ARPP21: variants seen among roughly 807,000 people sequenced by gnomAD.
ARPP21 encodes cAMP regulated phosphoprotein 21.
In ARPP21, 69 loss-of-function variants were observed where a neutral mutation model predicts 113.2. The ratio of observed to expected loss-of-function variants is 0.61; its 90% CI spans 0.50 to 0.74. The LOEUF (loss-of-function observed/expected upper bound fraction) is 0.74. ARPP21 is among the 30% of genes least tolerant of loss of function. ARPP21 has a pLI of 0.00. For synonymous variants in ARPP21, 368 were observed against 375.5 expected (o/e 0.98, Z 0.23); for missense variants, 1,070 against 1,037.4 (o/e 1.03, Z -0.43).
At chr3:35,767,616 A>G (rs558970806) in intron 19 of ARPP21, among the ~76,000 whole-genome samples, 1 of 152,326 alleles carries the variant, frequency 6.6e-6, no homozygotes, top group Admixed American at 6.5e-5. Context: ...TTTCCTATGT[A>G]CATGGTAATA....
intron 19 of ARPP21, among the ~76,000 whole-genome samples, chr3:35,759,294 C>A (rs940174741): frequency 1.5e-4 from 23 of 152,068 alleles, no homozygotes; most frequent in African/African-American, 5.1e-4. Flanking sequence ...AACCAATAAA[C>A]CCACATCATT....
upstream of ARPP21, chr3:35,638,939 C>T (rs1386798800): frequency 6.6e-6 from 1 of 152,378 alleles, no homozygotes; most frequent in Non-Finnish European, 1.5e-5. Flanking sequence ...GTGGGATTGT[C>T]TCTGCAGAGT....
At chr3:35,640,795 G>A (rs1034628136) in intron 1 of ARPP21, among the ~76,000 whole-genome samples, 1 of 152,198 alleles carries the variant, frequency 6.6e-6, no homozygotes, top group East Asian at 1.9e-4. Context: ...AGGGCTCAAG[G>A]GGAAGAATAG....
intron 13 of ARPP21, among the ~76,000 whole-genome samples, chr3:35,720,803 C>G (rs938181392): frequency 6.6e-6 from 1 of 152,218 alleles, no homozygotes; most frequent in African/African-American, 2.4e-5. Flanking sequence ...GCTATTGGAT[C>G]TCTTCCAATA....
At chr3:35,642,049 A>G (rs998905694) in intron 1 of ARPP21, 3 of 152,232 alleles carry the variant, frequency 2.0e-5, no homozygotes, top group African/African-American at 7.2e-5. Context: ...GAGGACGTAT[A>G]TTTAAATAAA....
chr3:35,692,652 T>A (rs2082581421), intron 9 of ARPP21, among the ~76,000 whole-genome samples: 1 of 151,704 alleles, frequency 6.6e-6, no homozygotes. Context: ...GTTTTAGACA[T>A]GTTTCCTCGG....
At chr3:35,749,563 GTTCC>G (rs1390362890) in intron 19 of ARPP21, among the ~76,000 whole-genome samples, 2 of 151,968 alleles carry the variant, frequency 1.3e-5, no homozygotes, top group South Asian at 2.1e-4. Flanking sequence ...ATGGGAAAGT[GTTCC>G]TTCCCTTTCT....
intron 19 of ARPP21, 60 bp downstream of exon 19, chr3:35,744,025 G>T (rs1482901330): frequency 1.9e-6 from 3 of 1,586,798 alleles, no homozygotes; most frequent in Admixed American, 3.3e-5. Flanking sequence ...GGTGAATCTT[G>T]TACTCTTTGG....
At position 35,689,935 on chromosome 3, in the gene ARPP21, A is replaced by G. The variant is rs112800944; in HGVS notation, c.486-146A>G. The G allele has an allele frequency of 7.9e-4, 436 of 551,922 alleles. 4 individuals carry two copies. Among genetic ancestry groups the G allele is most frequent in the African/African-American group, 7.5e-3 (392 of 52,400 alleles). 34.2% of individuals were successfully genotyped at this position (551,922 alleles called of 1,614,324 possible). A position where few individuals can be genotyped will look rare whatever the true frequency, so the allele number is the denominator to read the frequency against. ...ATGAATGAAATGAAATAATATGTAA[A>G]TGGTCAGCATATTCCAAAGAAGAGT... is the stretch of plus-strand genomic sequence containing the variant. On this transcript the variant is annotated intron_variant, in intron 7 of 20. Coordinates refer to ENST00000684406, the MANE Select transcript of ARPP21 (RefSeq NM_001385562.1).
intron 9 of ARPP21, among the ~76,000 whole-genome samples, chr3:35,698,832 A>G (rs1020226669): frequency 1.3e-5 from 2 of 151,668 alleles, no homozygotes; most frequent in Non-Finnish European, 3.0e-5. Flanking sequence ...ATTAAACAAC[A>G]TCGGTACTAA....
At position 35,742,314 on chromosome 3, in the gene ARPP21, A is replaced by T. The variant is rs183033705; in HGVS notation, c.2011-1525A>T. On this transcript the variant is annotated intron_variant, in intron 18 of 20. Coordinates refer to ENST00000684406, the MANE Select transcript of ARPP21 (RefSeq NM_001385562.1). Reference sequence around the variant, plus strand: ...AGTTGTTCCTATTTTTAATATTGGGAGGCATCTGATGCATAATGGTAGTCA... The same window carrying T: ...AGTTGTTCCTATTTTTAATATTGGGTGGCATCTGATGCATAATGGTAGTCA... Among the ~76,000 whole-genome samples the T allele has an allele frequency of 4.0e-3, 614 of 152,318 alleles. 7 individuals carry two copies. Among genetic ancestry groups the T allele is most frequent in the African/African-American group, 0.014 (572 of 41,568 alleles).
chr3:35,742,487 T>G (rs2094730177), intron 18 of ARPP21, among the ~76,000 whole-genome samples: 1 of 152,202 alleles, frequency 6.6e-6, no homozygotes, highest in Non-Finnish European at 1.5e-5. Flanking sequence ...AATGACTTAG[T>G]TGCCAGATAC....
intron 13 of ARPP21, among the ~76,000 whole-genome samples, chr3:35,720,179 CTG>C (rs34536601): frequency 0.25 from 38,622 of 151,934 alleles, 5,016 homozygotes; most frequent in South Asian, 0.36. Flanking sequence ...ATGGAGGGCA[CTG>C]AGTATTTTCA....
intron 1 of ARPP21, among the ~76,000 whole-genome samples, chr3:35,647,316 A>G (rs1700614239): frequency 6.6e-6 from 1 of 152,196 alleles, no homozygotes; most frequent in Non-Finnish European, 1.5e-5. Context: ...ATTTTATTTC[A>G]GAAATAATTG....
chr3:35,678,218 G>C (rs2078005977), intron 1 of ARPP21, among the ~76,000 whole-genome samples: 1 of 151,872 alleles, frequency 6.6e-6, no homozygotes, highest in Non-Finnish European at 1.5e-5. Context: ...TTACATTGCT[G>C]TTCACCTGCT....
At chr3:35,702,241 A>G (rs755600660) in intron 9 of ARPP21, among the ~76,000 whole-genome samples, 10 of 151,684 alleles carry the variant, frequency 6.6e-5, no homozygotes, top group Non-Finnish European at 3.0e-5. Context: ...ATGTTACTCA[A>G]TATTATTGGA....
intron 1 of ARPP21, among the ~76,000 whole-genome samples, chr3:35,661,264 A>G (rs926340093): frequency 6.6e-6 from 1 of 152,182 alleles, no homozygotes; most frequent in African/African-American, 2.4e-5. Context: ...TCTCTCATTG[A>G]TTCATTGTCA....
chr3:35,708,446 C>T (rs1483867343), intron 10 of ARPP21, among the ~76,000 whole-genome samples: 1 of 152,216 alleles, frequency 6.6e-6, no homozygotes, highest in African/African-American at 2.4e-5. Context: ...ATGAATTACA[C>T]AAATTAGAAG....
intron 1 of ARPP21, among the ~76,000 whole-genome samples, chr3:35,648,285 T>C (rs1701031004): frequency 6.6e-6 from 1 of 152,196 alleles, no homozygotes; most frequent in African/African-American, 2.4e-5. Flanking sequence ...ATTATTTCTC[T>C]AGAACATTTT....
Sources: gnomAD v4.1 joint callset for allele counts (sites outside exome capture counted in the v4.1 genomes callset) on GRCh38, gnomAD v4.1.1 for gene constraint, MANE v1.5 for transcripts, NCBI Gene and HGNC (gene_info 2026-07-23, HGNC 2026-07-21) for gene names.